Variants in ATP2A1 observed in about 807,000 individuals in gnomAD.
ATP2A1 encodes ATPase sarcoplasmic/endoplasmic reticulum Ca2+ transporting 1.
A neutral mutation model predicts 109.5 loss-of-function variants in ATP2A1; 83 were observed. The ratio of observed to expected loss-of-function variants is 0.76; its 90% CI spans 0.63 to 0.91. The LOEUF is 0.91. ATP2A1 is among the 40% of genes least tolerant of loss of function. ATP2A1 has a pLI of 0.00. For missense variants in ATP2A1, 1,101 were observed against 1,341.0 expected, an observed-to-expected ratio of 0.82 and a Z score of 2.80; for synonymous variants, 505 against 537.6, an observed-to-expected ratio of 0.94 and a Z score of 0.84.
Position 28,903,470 on chromosome 16 carries a change from T to C in ATP2A1, c.2980+30T>C, listed in dbSNP as rs1964151564. ...GGAGTGCCCTCTCTGTCCCAAGCCC[T>C]GGCCCCACCACAGCCCCTTCCCCAT... On this transcript the variant is annotated intron_variant, in intron 21 of 22. Coordinates refer to ENST00000395503, the MANE Select transcript of ATP2A1 (RefSeq NM_004320.6). The surrounding 1 kb of genome is among the most constrained non-coding windows in gnomAD (Gnocchi z 5.6). The C allele has an allele frequency of 1.9e-6, 3 of 1,583,954 alleles. No individual in the cohort carries two copies. The highest frequency in any genetic ancestry group is 1.7e-4 in the Middle Eastern group (1 of 6,030).
chr16:28,884,677 G>A, intron 6 of ATP2A1, 22 bp downstream of exon 6: 1 of 1,597,276 alleles, frequency 6.3e-7, no homozygotes, highest in Non-Finnish European at 8.6e-7. Context: ...TGGGTGGGAA[G>A]ATGCATGGGG....
chr16:28,894,182 G>A lies in ATP2A1; in HGVS notation c.1123G>A (p.Asp375Asn). The change falls in exon 10 of 23, where the codon GAC becomes AAC. Residue 375 changes from aspartate (D) to asparagine (N), a missense_variant. Physicochemically the swap from Asp to Asn is conservative, Grantham distance 23. Transcript: ENST00000395503. ...GTTTATCATTGACAAGGTGGATGGG[G>A]ACATCTGCCTCCTGAATGAGTTCTC... Reference protein sequence around the residue: ...KMFIIDKVDGDICLLNEFSIT... With the variant: ...KMFIIDKVDGNICLLNEFSIT... The A allele has an allele frequency of 1.9e-6, 3 of 1,613,994 alleles. No individual in the cohort carries two copies. The highest frequency in any genetic ancestry group is 2.5e-6 in the Non-Finnish European group (3 of 1,179,990).
Position 28,888,770 on chromosome 16 carries a change from T to TCCCCCCCCCC in ATP2A1, c.929-14_929-13insCCCCCCCCCC. 1 of 849,210 alleles carries TCCCCCCCCCC rather than the reference T, an allele frequency of 1.2e-6. No individual in the cohort carries two copies. Among genetic ancestry groups the TCCCCCCCCCC allele is most frequent in the African/African-American group, 1.7e-5 (1 of 57,246 alleles). The allele number at this position is 849,210 out of a possible 1,614,324, so 52.6% of individuals were successfully genotyped here. A position where few individuals can be genotyped will look rare whatever the true frequency, so the allele number is the denominator to read the frequency against. On this transcript the variant is annotated splice_polypyrimidine_tract_variant and intron_variant, in intron 8 of 22. Coordinates refer to ENST00000395503, the MANE Select transcript of ATP2A1 (RefSeq NM_004320.6). ...TCCCCTTGCAGGTTCCCTCACACCC[T>TCCCCCCCCCC]CCCTCCCTCCCCACAGGTCTTCCTG...
chr16:28,895,416 AT>A (rs1191638290), intron 12 of ATP2A1, among the ~76,000 whole-genome samples: 1 of 152,160 alleles, frequency 6.6e-6, no homozygotes, highest in Non-Finnish European at 1.5e-5. Context: ...ATTGCTATTG[AT>A]ACTTGCTGAA....
chr16:28,892,316 G>A (rs774912059), intron 9 of ATP2A1: 3 of 364,616 alleles, frequency 8.2e-6, no homozygotes, highest in Admixed American at 3.0e-5. Flanking sequence ...TCCTTGCAGG[G>A]TCTTCCACTG....
chr16:28,895,647 G>A (rs916557663), intron 12 of ATP2A1, among the ~76,000 whole-genome samples: 3 of 150,920 alleles, frequency 2.0e-5, no homozygotes, highest in African/African-American at 7.3e-5. Context: ...GCAACATAGT[G>A]AGACCCGCAT....
At chr16:28,894,749 G>C in intron 11 of ATP2A1, 73 bp from the exon 12 acceptor site, 1 of 1,605,362 alleles carries the variant, frequency 6.2e-7, no homozygotes, top group Non-Finnish European at 8.5e-7. Context: ...TCCTTCTTAC[G>C]CTAGGTGGAA....
At position 28,900,591 on chromosome 16, in the gene ATP2A1, C is replaced by G. The variant is rs1567490444; in HGVS notation, c.1775C>G (p.Thr592Arg). 1 of 1,565,650 alleles carries G rather than the reference C, an allele frequency of 6.4e-7. No individual in the cohort carries two copies. The highest frequency in any genetic ancestry group is 8.7e-7 in the Non-Finnish European group (1 of 1,152,226). Residue 592 changes from threonine (T) to arginine (R), a missense_variant, in exon 15 of 23, where the codon ACA becomes AGA. Transcript: ENST00000395503. ...ARFLEYETDL[T>R]FVGVVGMLDP... ...GCTGTATCTCCCCAGACGGACCTGACATTCGTGGGTGTAGTGGGCATGCTG... is the reference window on the plus strand; with the variant it reads ...GCTGTATCTCCCCAGACGGACCTGAGATTCGTGGGTGTAGTGGGCATGCTG...
rs1450051586 is a variant in ATP2A1 at position 28,887,520 on chromosome 16, A to C, written c.726A>C (p.Thr242=). The change falls in exon 8 of 23, where the codon ACA becomes ACC. Residue 242 remains threonine (T), a synonymous_variant. Coordinates refer to ENST00000395503, the MANE Select transcript of ATP2A1 (RefSeq NM_004320.6). ...AGATCCGAGACCAAATGGCTGCCACAGAACAGGACAAGACCCCCTTGCAGC... is the reference window on the plus strand; with the variant it reads ...AGATCCGAGACCAAATGGCTGCCACCGAACAGGACAAGACCCCCTTGCAGC... ...IGKIRDQMAA[T]EQDKTPLQQK... The C allele has an allele frequency of 6.2e-7, 1 of 1,613,830 alleles. No homozygotes were observed. Among genetic ancestry groups the C allele is most frequent in the East Asian group, 2.2e-5 (1 of 44,840 alleles).
In ATP2A1 at chr16:28,898,004, T is replaced by C; in HGVS notation, c.1424T>C (p.Ile475Thr). 6.2e-7 allele frequency: 1 copy of C among 1,614,150 alleles called. No homozygotes were observed. Residue 475 changes from isoleucine to threonine, a missense_variant, in exon 13 of 23, where the codon ATC (isoleucine) becomes ACC (threonine). Coordinates refer to ENST00000395503, the MANE Select transcript of ATP2A1 (RefSeq NM_004320.6). This position sits in a 1 kb window ranked among gnomAD's most constrained non-coding sequence, Gnocchi z 4.0. The stretch of plus-strand genomic sequence containing the variant: ...CCCTCCCTGTCTCCTCTCCAGGTGA[T>C]CCGCCAGCTAATGAAGAAGGAATTC... The part of the protein sequence containing the change: ...VERANACNSV[I>T]RQLMKKEFTL...
intron 9 of ATP2A1, 143 bp from the exon 10 acceptor site, chr16:28,894,012 G>T: frequency 1.4e-6 from 1 of 694,200 alleles, no homozygotes. Flanking sequence ...AGTGGGTAGG[G>T]TATACGGGGG....
Position 28,904,413 on chromosome 16 carries a change from C to G in ATP2A1, c.*271C>G. On this transcript the variant is annotated 3_prime_UTR_variant, in exon 23 of 23. Transcript: ENST00000395503. ...CCCCGAGGGGCTTGCAGGGACAAGGCGACCGACTGCGCTGAGCTGCTTATT... is the reference window on the plus strand; with the variant it reads ...CCCCGAGGGGCTTGCAGGGACAAGGGGACCGACTGCGCTGAGCTGCTTATT... 6.5e-7 allele frequency: 1 copy of G among 1,534,024 alleles called. No homozygotes were observed. Among genetic ancestry groups the G allele is most frequent in the South Asian group, 1.2e-5 (1 of 83,318 alleles).
At chr16:28,882,417 G>A (rs1013662883) in intron 4 of ATP2A1, 34 bp from the exon 5 acceptor site, 3 of 1,613,334 alleles carry the variant, frequency 1.9e-6, no homozygotes, top group Admixed American at 1.7e-5. Flanking sequence ...TGCCTCCTGT[G>A]TATAACCCTG....
At chr16:28,901,414 C>T (rs1307768208) in intron 15 of ATP2A1, among the ~76,000 whole-genome samples, 1 of 150,738 alleles carries the variant, frequency 6.6e-6, no homozygotes, top group African/African-American at 2.4e-5. Context: ...GGCAGATCAC[C>T]TGAGGTCAAG....
chr16:28,897,067 C>T (rs1376484132), intron 12 of ATP2A1, among the ~76,000 whole-genome samples: 4 of 151,842 alleles, frequency 2.6e-5, no homozygotes, highest in Admixed American at 2.6e-4. Context: ...AGCAACAGAG[C>T]AAGACTCCAT....
Position 28,902,394 on chromosome 16 carries a change from G to A in ATP2A1, c.2524+8G>A, listed in dbSNP as rs1405215126. ...GCTACATGGCAATCGGGGGTGAGCTGGAGGGGTTCCTCGATCCTCCCCACC... is the reference window on the plus strand; with the variant it reads ...GCTACATGGCAATCGGGGGTGAGCTAGAGGGGTTCCTCGATCCTCCCCACC... On this transcript the variant is annotated splice_region_variant and intron_variant, in intron 17 of 22. Coordinates refer to ENST00000395503, the MANE Select transcript of ATP2A1 (RefSeq NM_004320.6). This position sits in a 1 kb window ranked among gnomAD's most constrained non-coding sequence, Gnocchi z 4.8. 3 of 1,613,520 alleles carry A rather than the reference G, an allele frequency of 1.9e-6. No individual in the cohort carries two copies. The highest frequency in any genetic ancestry group is 4.5e-5 in the East Asian group (2 of 44,878).
chr16:28,897,913 C>CA, intron 12 of ATP2A1, 87 bp from the exon 13 acceptor site: 1 of 1,537,996 alleles, frequency 6.5e-7, no homozygotes, highest in South Asian at 1.1e-5. Context: ...GTGTTAGTCT[C>CA]AGCCTTAGCT....
chr16:28,879,565 G>A lies in ATP2A1; in HGVS notation c.201G>A (p.Leu67=), dbSNP rs1459156708. The A allele has an allele frequency of 1.2e-6, 2 of 1,614,050 alleles. No homozygotes were observed. The highest frequency in any genetic ancestry group is 2.7e-5 in the African/African-American group (2 of 74,924). The change falls in exon 3 of 23, where the codon CTG becomes CTA. Residue 67 remains leucine, a synonymous_variant. Coordinates refer to ENST00000395503, the MANE Select transcript of ATP2A1 (RefSeq NM_004320.6). The part of the protein sequence containing the change: ...FEDLLVRILL[L]AACISFVLAW... Reference sequence around the variant, plus strand: ...ACCTCCTGGTGCGGATTCTCCTCCTGGCCGCATGCATTTCCTTCGTAAGTG... The same window carrying A: ...ACCTCCTGGTGCGGATTCTCCTCCTAGCCGCATGCATTTCCTTCGTAAGTG...
intron 12 of ATP2A1, among the ~76,000 whole-genome samples, chr16:28,895,742 G>A (rs1294369778): frequency 6.6e-6 from 1 of 151,830 alleles, no homozygotes; most frequent in East Asian, 1.9e-4. Flanking sequence ...GTGCAAAACT[G>A]TACTCTAGCT....
Sources: allele counts gnomAD v4.1 joint callset (sites outside exome capture counted in the v4.1 genomes callset), GRCh38; gene constraint gnomAD v4.1.1; non-coding constraint Gnocchi (gnomAD v3.1); transcripts MANE v1.5; gene names NCBI Gene and HGNC (gene_info 2026-07-23, HGNC 2026-07-21).